Variants in SKOR1 observed in about 807,000 individuals in gnomAD.
SKOR1 encodes LBX1 corepressor 1.
In SKOR1, 38 loss-of-function variants were observed where a neutral mutation model predicts 72.4. The ratio of observed to expected loss-of-function variants is 0.52; its 90% CI spans 0.40 to 0.69. SKOR1 has a LOEUF of 0.69. Among genes scored for constraint, SKOR1 ranks in the 30% least tolerant of loss-of-function variants. The pLI, the probability that SKOR1 is intolerant of heterozygous loss-of-function variation, is 0.00. For missense variants in SKOR1, 1,320 were observed against 1,343.2 expected (o/e 0.98, Z 0.27); for synonymous variants, 642 against 599.4 (o/e 1.07, Z -1.04).
chr15:67,826,356 C>T lies in SKOR1; in HGVS notation c.528C>T (p.Pro176=), dbSNP rs1475532018. The T allele has an allele frequency of 1.9e-6, 3 of 1,613,560 alleles. No individual in the cohort carries two copies. In the African/African-American group the frequency reaches 4.0e-5, roughly 22 times the overall value. Residue 176 remains proline (P), a synonymous_variant, in exon 2 of 9, where the codon CCC becomes CCT. Coordinates refer to ENST00000380035, the MANE Select transcript of SKOR1 (RefSeq NM_001365915.1). ...GCGAGCACAAACCACCCAAGCTGCC[C>T]GAGAACTTCGCCTTCGATGTGGTGC... ...FLGEHKPPKL[P]ENFAFDVVHE...
Position 67,830,802 on chromosome 15 carries a change from T to C in SKOR1, c.2516-16T>C. On this transcript the variant is annotated splice_polypyrimidine_tract_variant and intron_variant, in intron 4 of 8. Coordinates refer to ENST00000380035, the MANE Select transcript of SKOR1 (RefSeq NM_001365915.1). ...TTCCTAGGACAGAACCCCTCTTACC[T>C]GCCCCTGTATCCCAGGCGAAGATGG... is the stretch of plus-strand genomic sequence containing the variant. The C allele has an allele frequency of 6.2e-7, 1 of 1,613,896 alleles. No homozygotes were observed. Among genetic ancestry groups the C allele is most frequent in the Non-Finnish European group, 8.5e-7 (1 of 1,179,898 alleles).
rs757713273 is a variant in SKOR1, at chr15:67,829,226, G to T, written c.2364G>T (p.Ala788=). 3.8e-6 allele frequency: 6 copies of T among 1,573,584 alleles called. No individual in the cohort carries two copies. In the Admixed American group the frequency reaches 5.3e-5, roughly 14 times the overall value. ...AGCACGTGAAGAGCGCGGCGGTGGC[G>T]CTGGGGCCCGCGGCCTCCTACGTCT... ...RDEHVKSAAV[A]LGPAASYVCT... is the part of the protein sequence containing the mutation. Residue 788 remains alanine, a synonymous_variant, in exon 3 of 9, where the codon GCG becomes GCT. Coordinates refer to ENST00000380035, the MANE Select transcript of SKOR1 (RefSeq NM_001365915.1).
At position 67,832,694 on chromosome 15, in the gene SKOR1, T is replaced by G. The variant is rs1217124409; in HGVS notation, c.2737+13T>G. ...CAAATTGTCAGAGGTAAGACGGGAG[T>G]CAGGTGAGCTCGTGCACGGGCCGTA... On this transcript the variant is annotated intron_variant, in intron 7 of 8. Coordinates refer to ENST00000380035, the MANE Select transcript of SKOR1 (RefSeq NM_001365915.1). The surrounding 1 kb of genome is among the most constrained non-coding windows in gnomAD (Gnocchi z 4.5). 1 of 1,612,156 alleles carries G rather than the reference T, an allele frequency of 6.2e-7. No individual in the cohort carries two copies. The highest frequency in any genetic ancestry group is 8.5e-7 in the Non-Finnish European group (1 of 1,178,754).
Position 67,826,598 on chromosome 15 carries a change from C to A in SKOR1, c.770C>A (p.Thr257Lys). 2 of 1,613,918 alleles carry A rather than the reference C, an allele frequency of 1.2e-6. No homozygotes were observed. The highest frequency in any genetic ancestry group is 1.7e-6 in the Non-Finnish European group (2 of 1,179,966). The change falls in exon 2 of 9, where the codon ACA becomes AAA. Residue 257 changes from threonine (T) to lysine (K), a missense_variant. Thr to Lys is a moderately conservative substitution (Grantham distance 78). This residue lies in a region of SKOR1 where 1,099 missense variants were observed against 1,025.5 expected (regional missense o/e 1.07). Coordinates refer to ENST00000380035, the MANE Select transcript of SKOR1 (RefSeq NM_001365915.1). ...CTCAAACTCAGTGACAAGTCGGCCA[C>A]AGACGAACTGAGCCATGCTTGGGAG... Reference protein sequence around the residue: ...RHLKLSDKSATDELSHAWEDV... With the variant: ...RHLKLSDKSAKDELSHAWEDV...
Position 67,825,760 on chromosome 15 carries a change from G to T in SKOR1, c.107+51G>T. On this transcript the variant is annotated intron_variant, in intron 1 of 8. Transcript: ENST00000380035. The surrounding 1 kb of genome is among the most constrained non-coding windows in gnomAD (Gnocchi z 5.6). The stretch of plus-strand genomic sequence containing the variant: ...CAAGCCCCGGGGGCTGTTGTTAACG[G>T]CGCCAACATGGGTCTGAGTAACAAA... 1 of 1,178,296 alleles carries T rather than the reference G, an allele frequency of 8.5e-7. No individual in the cohort carries two copies. Among genetic ancestry groups the T allele is most frequent in the Non-Finnish European group, 1.2e-6 (1 of 804,034 alleles). 73.0% of individuals were successfully genotyped at this position (1,178,296 alleles called of 1,614,324 possible).
intron 2 of SKOR1, 84 bp downstream of exon 2, chr15:67,828,228 AATT>A: frequency 7.4e-7 from 1 of 1,358,748 alleles, no homozygotes; most frequent in South Asian, 1.8e-5. Context: ...GGAGAACGGG[AATT>A]TTGTTCCGCG....
At chr15:67,830,425 C>T in intron 4 of SKOR1, 127 bp downstream of exon 4, 1 of 787,488 alleles carries the variant, frequency 1.3e-6, no homozygotes. Context: ...TCTTCTTCCT[C>T]GGCGAGCAGA....
chr15:67,826,880 C>G lies in SKOR1; in HGVS notation c.1052C>G (p.Ala351Gly). Residue 351 changes from alanine to glycine, a missense_variant, in exon 2 of 9, where the codon GCG becomes GGG. Ala to Gly is a moderately conservative substitution (Grantham distance 60). This residue lies in a region of SKOR1 where 1,099 missense variants were observed against 1,025.5 expected (regional missense o/e 1.07). Coordinates refer to ENST00000380035, the MANE Select transcript of SKOR1 (RefSeq NM_001365915.1). Reference protein sequence around the residue: ...PPHPQRGLGLATGASGPAGPG... With the variant: ...PPHPQRGLGLGTGASGPAGPG... ...CACCCGCAGCGCGGACTTGGCCTGG[C>G]GACTGGAGCTAGTGGCCCGGCGGGC... is the stretch of plus-strand genomic sequence containing the variant. 1.3e-6 allele frequency: 2 copies of G among 1,542,994 alleles called. No individual in the cohort carries two copies.
chr15:67,827,115 C>T lies in SKOR1; in HGVS notation c.1287C>T (p.Gly429=), dbSNP rs755294587. The change falls in exon 2 of 9, where the codon GGC becomes GGT. Residue 429 remains glycine (G), a synonymous_variant. Coordinates refer to ENST00000380035, the MANE Select transcript of SKOR1 (RefSeq NM_001365915.1). Reference sequence around the variant, plus strand: ...GCGGTCCTGGCACTGGGAGCGGCGGCGGCGGCGCGGGGACAGGCGGGGGTG... The same window carrying T: ...GCGGTCCTGGCACTGGGAGCGGCGGTGGCGGCGCGGGGACAGGCGGGGGTG... ...PKGGPGTGSG[G]GGAGTGGGAG... 1.8e-5 allele frequency: 25 copies of T among 1,412,242 alleles called. No homozygotes were observed. Among genetic ancestry groups the T allele is most frequent in the Non-Finnish European group, 2.0e-5 (22 of 1,091,432 alleles). 87.5% of individuals were successfully genotyped at this position (1,412,242 alleles called of 1,614,324 possible).
chr15:67,832,706 G>A lies in SKOR1; in HGVS notation c.2737+25G>A. Reference sequence around the variant, plus strand: ...GGTAAGACGGGAGTCAGGTGAGCTCGTGCACGGGCCGTAACTGCCTCTCGT... The same window carrying A: ...GGTAAGACGGGAGTCAGGTGAGCTCATGCACGGGCCGTAACTGCCTCTCGT... On this transcript the variant is annotated intron_variant, in intron 7 of 8. Coordinates refer to ENST00000380035, the MANE Select transcript of SKOR1 (RefSeq NM_001365915.1). This position sits in a 1 kb window ranked among gnomAD's most constrained non-coding sequence, Gnocchi z 4.5. 6.2e-7 allele frequency: 1 copy of A among 1,604,540 alleles called. No homozygotes were observed. Among genetic ancestry groups the A allele is most frequent in the Non-Finnish European group, 8.5e-7 (1 of 1,171,704 alleles).
At chr15:67,830,121 G>A (rs1305659060) in intron 3 of SKOR1, 70 bp from the exon 4 acceptor site, 2 of 1,521,752 alleles carry the variant, frequency 1.3e-6, no homozygotes, top group Non-Finnish European at 1.8e-6. Flanking sequence ...CGCCCCGACC[G>A]CGGCAGCTCC....
rs542173667 is a variant in SKOR1, at chr15:67,827,792, C to A, written c.1964C>A (p.Thr655Asn). ...AATTCCGCCTCGCCCGACGTGGACA[C>A]CGCGGACGAGCCCGAGGTGGACGTG... The part of the protein sequence containing the change: ...SYNSASPDVD[T>N]ADEPEVDVES... The change falls in exon 2 of 9, where the codon ACC becomes AAC. Residue 655 changes from threonine (T) to asparagine (N), a missense_variant. Physicochemically the swap from Thr to Asn is moderately conservative, Grantham distance 65. Transcript: ENST00000380035. 4 of 1,570,702 alleles carry A rather than the reference C, an allele frequency of 2.5e-6. No individual in the cohort carries two copies. Among genetic ancestry groups the A allele is most frequent in the Non-Finnish European group, 3.5e-6 (4 of 1,158,022 alleles).
At chr15:67,829,136 C>A in intron 2 of SKOR1, 43 bp from the exon 3 acceptor site, 1 of 1,489,334 alleles carries the variant, frequency 6.7e-7, no homozygotes, top group Non-Finnish European at 9.0e-7. Context: ...TGGGCCGCCG[C>A]AGGGCGCCAC....
Position 67,833,318 on chromosome 15 carries a change from A to G in SKOR1, c.2803+61A>G, listed in dbSNP as rs2091023339. The G allele has an allele frequency of 4.5e-6, 7 of 1,539,122 alleles. No individual in the cohort carries two copies. The South Asian group carries it at 6.8e-5, about 15-fold the overall frequency. ...TGGGTGCCGGCCGTGCTGTCGACTGAATGAATGAATAGTGGGACTAGTGAG... is the reference window on the plus strand; with the variant it reads ...TGGGTGCCGGCCGTGCTGTCGACTGGATGAATGAATAGTGGGACTAGTGAG... On this transcript the variant is annotated intron_variant, in intron 8 of 8. Coordinates refer to ENST00000380035, the MANE Select transcript of SKOR1 (RefSeq NM_001365915.1). The surrounding 1 kb of genome is among the most constrained non-coding windows in gnomAD (Gnocchi z 6.0).
rs750309790 is a variant in SKOR1, at chr15:67,830,878, A to G, written c.2576A>G (p.Asn859Ser). 1 of 1,614,094 alleles carries G rather than the reference A, an allele frequency of 6.2e-7. No homozygotes were observed. Among genetic ancestry groups the G allele is most frequent in the East Asian group, 2.2e-5 (1 of 44,876 alleles). Residue 859 changes from asparagine to serine, a missense_variant, in exon 5 of 9, where the codon AAC becomes AGC. Physicochemically the swap from Asn to Ser is conservative, Grantham distance 46. Transcript: ENST00000380035. Reference sequence around the variant, plus strand: ...CATTTGGTGGAGAAAGATATCGAGAACCTGGCCAGAGGTGAGGATAAATTT... The same window carrying G: ...CATTTGGTGGAGAAAGATATCGAGAGCCTGGCCAGAGGTGAGGATAAATTT... The part of the protein sequence containing the change: ...GTHLVEKDIE[N>S]LAREELQKLL...
rs1327485310 is a variant in SKOR1, at chr15:67,827,472, C to A, written c.1644C>A (p.Gly548=). 2.0e-6 allele frequency: 3 copies of A among 1,520,904 alleles called. No homozygotes were observed. The African/African-American group carries it at 4.3e-5, about 22-fold the overall frequency. The allele number at this position is 1,520,904 out of a possible 1,614,324, so 94.2% of individuals were successfully genotyped here. The part of the protein sequence containing the change: ...GAEPAKESGL[G]AEERCPSALS... ...AGCCAGCCAAAGAGAGTGGCCTCGGCGCGGAGGAGCGCTGCCCGAGCGCTC... is the reference window on the plus strand; with the variant it reads ...AGCCAGCCAAAGAGAGTGGCCTCGGAGCGGAGGAGCGCTGCCCGAGCGCTC... The change falls in exon 2 of 9, where the codon GGC becomes GGA. Residue 548 remains glycine, a synonymous_variant. Coordinates refer to ENST00000380035, the MANE Select transcript of SKOR1 (RefSeq NM_001365915.1).
chr15:67,829,189 C>A lies in SKOR1; in HGVS notation c.2327C>A (p.Pro776His). The A allele has an allele frequency of 6.4e-7, 1 of 1,564,850 alleles. No individual in the cohort carries two copies. Among genetic ancestry groups the A allele is most frequent in the Non-Finnish European group, 8.6e-7 (1 of 1,161,974 alleles). Residue 776 changes from proline (P) to histidine (H), a missense_variant, in exon 3 of 9, where the codon CCC becomes CAC. This residue lies in a region of SKOR1 where 1,099 missense variants were observed against 1,025.5 expected (regional missense o/e 1.07). Coordinates refer to ENST00000380035, the MANE Select transcript of SKOR1 (RefSeq NM_001365915.1). ...TCTCGGCCGTCGCAGGTGTTCGCGC[C>A]CGAGAGGGATGAGCACGTGAAGAGC... ...GGPAPAKVFAPERDEHVKSAA... is the reference protein window; with the variant it reads ...GGPAPAKVFAHERDEHVKSAA...
Position 67,833,968 on chromosome 15 carries a change from C to A in SKOR1, c.*132C>A. 1 of 1,021,974 alleles carries A rather than the reference C, an allele frequency of 9.8e-7. No individual in the cohort carries two copies. Among genetic ancestry groups the A allele is most frequent in the Non-Finnish European group, 1.5e-6 (1 of 677,690 alleles). 63.3% of individuals were successfully genotyped at this position (1,021,974 alleles called of 1,614,324 possible). On this transcript the variant is annotated 3_prime_UTR_variant, in exon 9 of 9. Transcript: ENST00000380035. This position sits in a 1 kb window ranked among gnomAD's most constrained non-coding sequence, Gnocchi z 6.0. ...GTAAATACAGCCGCCCGTCCGCCCG[C>A]CTTCCTCCCGGGCTCCCCGGCCTTG...
chr15:67,834,108 AGGGGTTAACTGGACAGACG>A lies in SKOR1; in HGVS notation c.*277_*295del. On this transcript the variant is annotated 3_prime_UTR_variant, in exon 9 of 9. Coordinates refer to ENST00000380035, the MANE Select transcript of SKOR1 (RefSeq NM_001365915.1). The surrounding 1 kb of genome is among the most constrained non-coding windows in gnomAD (Gnocchi z 5.8). The stretch of plus-strand genomic sequence containing the variant: ...GTGAACTCTAGGGCATCGGACCTCA[AGGGGTTAACTGGACAGACG>A]GGGGGCGGGAGGGGAGAGCGCCCCC... The A allele has an allele frequency of 1.9e-6, 1 of 515,100 alleles. No homozygotes were observed. The highest frequency in any genetic ancestry group is 3.6e-6 in the Non-Finnish European group (1 of 281,418). The allele number at this position is 515,100 out of a possible 1,614,324, so 31.9% of individuals were successfully genotyped here.
Sources: allele counts gnomAD v4.1 joint callset, GRCh38; gene constraint gnomAD v4.1.1; regional missense constraint gnomAD v4.1.1; non-coding constraint Gnocchi (gnomAD v3.1); transcripts MANE v1.5; gene names NCBI Gene and HGNC (gene_info 2026-07-23, HGNC 2026-07-21).